The following DGKG variants were observed in gnomAD, a reference collection of about 807,000 sequenced individuals.
The protein encoded by DGKG is DAG kinase gamma.
Under a neutral mutation model 105.3 loss-of-function variants are expected in DGKG, and 78 were observed. That is an observed-to-expected ratio of 0.74 (90% CI 0.62 to 0.89). The LOEUF is 0.89. Ranked by LOEUF, DGKG falls within the 40% of genes least tolerant of loss-of-function variation. The probability of loss-of-function intolerance (pLI) is 0.00; values close to 1 mark genes in which losing one functional copy is unlikely to be tolerated. For synonymous variants in DGKG, 346 were observed against 367.1 expected, an observed-to-expected ratio of 0.94 and a Z score of 0.66; for missense variants, 958 against 1,020.1, an observed-to-expected ratio of 0.94 and a Z score of 0.83.
intron 21 of DGKG, among the ~76,000 whole-genome samples, chr3:186,190,435 T>C (rs1228015318): frequency 6.6e-6 from 1 of 152,194 alleles, no homozygotes; most frequent in African/African-American, 2.4e-5. Flanking sequence ...TTTATGATAC[T>C]ATCATGCCCC....
In DGKG at chr3:186,193,239, C is replaced by T. The variant is rs75537704; in HGVS notation, c.1918-4860G>A. ...GAACGTGCCTGCCTGGGCTTGAAGG[C>T]AGAGAGACATGGGTTTAAATCTTGG... is the stretch of plus-strand genomic sequence containing the variant. On this transcript the variant is annotated intron_variant, in intron 21 of 24. Coordinates refer to ENST00000265022, the MANE Select transcript of DGKG (RefSeq NM_001346.3). 5.3e-5 allele frequency among the ~76,000 whole-genome samples: 8 copies of T among 152,324 alleles called. No individual in the cohort carries two copies. The East Asian group carries it at 1.2e-3, about 22-fold the overall frequency.
chr3:186,239,600 G>A (rs758967802), intron 20 of DGKG, among the ~76,000 whole-genome samples: 10 of 152,194 alleles, frequency 6.6e-5, no homozygotes, highest in Non-Finnish European at 1.2e-4. Flanking sequence ...GAATAGGCAG[G>A]GTAGAAGCAG....
At chr3:186,306,676 T>C (rs529084701) in intron 3 of DGKG, 24 of 480,296 alleles carry the variant, frequency 5.0e-5, no homozygotes, top group Non-Finnish European at 8.9e-5. Flanking sequence ...GGGTGAGAGA[T>C]GAGCAGAGGA....
intron 20 of DGKG, among the ~76,000 whole-genome samples, chr3:186,213,281 G>A (rs1578673684): frequency 6.6e-6 from 1 of 152,250 alleles, no homozygotes; most frequent in African/African-American, 2.4e-5. Flanking sequence ...TGGCACAGGC[G>A]TACCTGGGAT....
In DGKG at chr3:186,148,485, T is replaced by C; in HGVS notation, c.*1605A>G. On this transcript the variant is annotated 3_prime_UTR_variant, in exon 25 of 25. Transcript: ENST00000265022. Reference sequence around the variant, plus strand: ...GCGCTCGTTTTCTTGTGTGGGGATATCCCATCCACGCATGTGCTGTACGTT... The same window carrying C: ...GCGCTCGTTTTCTTGTGTGGGGATACCCCATCCACGCATGTGCTGTACGTT... The C allele has an allele frequency of 9.1e-6, 9 of 985,420 alleles. No individual in the cohort carries two copies. Among genetic ancestry groups the C allele is most frequent in the Non-Finnish European group, 1.1e-5 (9 of 829,940 alleles). The allele number at this position is 985,420 out of a possible 1,614,324, so 61.0% of individuals were successfully genotyped here.
intron 6 of DGKG, among the ~76,000 whole-genome samples, chr3:186,287,135 T>C (rs1427012113): frequency 6.6e-6 from 1 of 152,074 alleles, no homozygotes; most frequent in African/African-American, 2.4e-5. Context: ...TAACCAGTGG[T>C]GATGTATGAA....
chr3:186,319,568 A>C (rs1724984821), intron 2 of DGKG, among the ~76,000 whole-genome samples: 1 of 152,220 alleles, frequency 6.6e-6, no homozygotes, highest in South Asian at 2.1e-4. Flanking sequence ...TGGAGCAGGC[A>C]GTGCAGCTGA....
intron 3 of DGKG, among the ~76,000 whole-genome samples, chr3:186,302,948 G>T (rs573246044): frequency 6.6e-6 from 1 of 152,246 alleles, no homozygotes; most frequent in African/African-American, 2.4e-5. Flanking sequence ...TCTCAGAGGG[G>T]ACTCAGTCTT....
At chr3:186,283,129 G>A (rs1216514072) in intron 7 of DGKG, among the ~76,000 whole-genome samples, 2 of 151,928 alleles carry the variant, frequency 1.3e-5, no homozygotes, top group Admixed American at 6.6e-5. Context: ...GGCTGGGCTC[G>A]AACTCCTGAC....
intron 20 of DGKG, among the ~76,000 whole-genome samples, chr3:186,224,186 G>C (rs752745819): frequency 6.6e-6 from 1 of 152,068 alleles, no homozygotes; most frequent in Admixed American, 6.5e-5. Flanking sequence ...AAAATATTCC[G>C]CTTGGTTTAT....
chr3:186,186,020 C>A (rs1377459501), intron 22 of DGKG, among the ~76,000 whole-genome samples: 6 of 146,990 alleles, frequency 4.1e-5, no homozygotes, highest in African/African-American at 1.5e-4. Context: ...ATCACTTGAA[C>A]CTGGGAGGAG....
chr3:186,211,298 G>A (rs1719027603), intron 21 of DGKG, among the ~76,000 whole-genome samples: 1 of 152,198 alleles, frequency 6.6e-6, no homozygotes, highest in Non-Finnish European at 1.5e-5. Flanking sequence ...CCACAAAACT[G>A]ACCCTGGGTA....
At chr3:186,158,946 G>C (rs567594857) in intron 24 of DGKG, 2 of 527,106 alleles carry the variant, frequency 3.8e-6, no homozygotes, top group Admixed American at 6.4e-5. Flanking sequence ...ACATTACTAT[G>C]TCTTCCTTTT....
intron 20 of DGKG, among the ~76,000 whole-genome samples, chr3:186,242,218 G>A (rs961786875): frequency 3.9e-5 from 6 of 152,184 alleles, no homozygotes; most frequent in African/African-American, 1.2e-4. Flanking sequence ...AAGGGCAGAC[G>A]CCCTCCCACC....
intron 21 of DGKG, among the ~76,000 whole-genome samples, chr3:186,205,220 G>A (rs898217866): frequency 2.9e-5 from 4 of 138,492 alleles, no homozygotes; most frequent in African/African-American, 1.1e-4. Context: ...TTGTGCCATT[G>A]CACTCCAGCC....
chr3:186,296,678 C>T (rs994057322), intron 5 of DGKG, among the ~76,000 whole-genome samples: 19 of 152,306 alleles, frequency 1.2e-4, no homozygotes, highest in African/African-American at 4.6e-4. Context: ...ACCACTGTGT[C>T]CTCTCTCTCT....
chr3:186,254,743 C>A (rs73885815), intron 17 of DGKG, among the ~76,000 whole-genome samples: 2 of 152,124 alleles, frequency 1.3e-5, no homozygotes, highest in Admixed American at 6.5e-5. Flanking sequence ...CGGCTCTCTC[C>A]GCCTCCAGTT....
rs541972659 is a variant in DGKG, at chr3:186,217,203, C to T, written c.1827-5318G>A. 1.1e-4 allele frequency among the ~76,000 whole-genome samples: 16 copies of T among 152,260 alleles called. No individual in the cohort carries two copies. In the East Asian group the frequency reaches 1.9e-3, roughly 18 times the overall value. On this transcript the variant is annotated intron_variant, in intron 20 of 24. Coordinates refer to ENST00000265022, the MANE Select transcript of DGKG (RefSeq NM_001346.3). ...TATTTTTTGAAGAAAATAAAACTAA[C>T]GATGTTTTCATGGCTGCTGGAATGC...
rs771712622 is a variant in DGKG at position 186,306,954 on chromosome 3, C to T, written c.91G>A (p.Ala31Thr). Residue 31 changes from alanine (A) to threonine (T), a missense_variant, in exon 3 of 25, where the codon GCC (alanine) becomes ACC (threonine). Coordinates refer to ENST00000265022, the MANE Select transcript of DGKG (RefSeq NM_001346.3). ...SEYSSKKIKD[A>T]LTEFNEGGSL... Reference sequence around the variant, plus strand: ...CCACCCTCATTAAATTCAGTCAAGGCATCTTTTATCTTCTTGGAGGAATCT... The same window carrying T: ...CCACCCTCATTAAATTCAGTCAAGGTATCTTTTATCTTCTTGGAGGAATCT... The T allele has an allele frequency of 1.9e-5, 31 of 1,612,530 alleles. No homozygotes were observed. The highest frequency in any genetic ancestry group is 1.1e-4 in the South Asian group (10 of 91,048).
Sources: gnomAD v4.1 joint callset for allele counts (sites outside exome capture counted in the v4.1 genomes callset) on GRCh38, gnomAD v4.1.1 for gene constraint, MANE v1.5 for transcripts, NCBI Gene and HGNC (gene_info 2026-07-23, HGNC 2026-07-21) for gene names.